Variants in DLGAP2 observed in about 807,000 individuals in gnomAD.
DLGAP2 encodes the protein disks large-associated protein 2.
DLGAP2 carries 26 observed loss-of-function variants against 100.3 expected under a neutral mutation model. The ratio of observed to expected loss-of-function variants is 0.26; its 90% CI spans 0.19 to 0.36. The LOEUF is 0.36. DLGAP2 is among the 10% of genes least tolerant of loss of function. The pLI, the probability that DLGAP2 is intolerant of heterozygous loss-of-function variation, is 1.00. For missense variants in DLGAP2, 1,858 were observed against 1,453.2 expected (o/e 1.28, Z -4.53); for synonymous variants, 886 against 630.1 (o/e 1.41, Z -6.08).
Position 1,410,851 on chromosome 8 carries a change from T to A in DLGAP2, c.107-90515T>A, listed in dbSNP as rs200651937. On this transcript the variant is annotated intron_variant, in intron 3 of 14. Coordinates refer to ENST00000637795, the MANE Select transcript of DLGAP2 (RefSeq NM_001346810.2). ...GGAGCCATTTTTTTTTTTTTTTTTT[T>A]AAACTTCCTTGTTTTCAGTTGTCTT... Among the ~76,000 whole-genome samples the A allele has an allele frequency of 3.7e-3, 541 of 144,904 alleles. 10 individuals carry two copies. The East Asian group carries it at 0.05, about 13-fold the overall frequency.
intron 2 of DLGAP2, among the ~76,000 whole-genome samples, chr8:1,133,604 T>C (rs983274280): frequency 1.3e-5 from 2 of 152,202 alleles, no homozygotes; most frequent in African/African-American, 4.8e-5. Flanking sequence ...ACAAACACTT[T>C]GCTCACCAAG....
At chr8:1,669,631 GCCC>G in intron 9 of DLGAP2, 109 bp from the exon 10 acceptor site, 5 of 754,112 alleles carry the variant, frequency 6.6e-6, no homozygotes, top group Admixed American at 1.8e-5. Context: ...TGAGAGCCGG[GCCC>G]GTGCGGCGCT....
intron 3 of DLGAP2, among the ~76,000 whole-genome samples, chr8:1,335,042 A>G (rs13255561): frequency 0.18 from 26,721 of 152,216 alleles, 2,405 homozygotes; most frequent in Admixed American, 0.19. Context: ...CTGTTGCTGC[A>G]TTGTCTAGAA....
chr8:1,518,373 C>T (rs1800469142), intron 4 of DLGAP2, among the ~76,000 whole-genome samples: 1 of 152,112 alleles, frequency 6.6e-6, no homozygotes, highest in Non-Finnish European at 1.5e-5. Flanking sequence ...GTGGCTGTGG[C>T]AAACCGAGTG....
intron 2 of DLGAP2, among the ~76,000 whole-genome samples, chr8:1,028,925 C>T (rs1322717805): frequency 1.3e-5 from 2 of 152,098 alleles, no homozygotes; most frequent in African/African-American, 2.4e-5. Context: ...ACGGCCTGAC[C>T]GAGGGGCAGC....
At chr8:1,237,683 T>C (rs1189014857) in intron 2 of DLGAP2, among the ~76,000 whole-genome samples, 1 of 111,460 alleles carries the variant, frequency 9.0e-6, no homozygotes, top group Non-Finnish European at 1.9e-5. Flanking sequence ...CTCTCTCACA[T>C]GGCACCGTGT....
intron 1 of DLGAP2, among the ~76,000 whole-genome samples, chr8:779,167 C>T (rs546461472): frequency 2.0e-5 from 3 of 152,374 alleles, no homozygotes; most frequent in East Asian, 3.9e-4. Context: ...CTTGCGCTTC[C>T]CGAGTGAGGC....
At chr8:1,225,622 A>T (rs1319700033) in intron 2 of DLGAP2, among the ~76,000 whole-genome samples, 1 of 152,260 alleles carries the variant, frequency 6.6e-6, no homozygotes, top group Admixed American at 6.5e-5. Context: ...TGCAAGTATC[A>T]TGAACACTTT....
At chr8:1,419,201 C>T (rs1031278839) in intron 3 of DLGAP2, among the ~76,000 whole-genome samples, 17 of 133,436 alleles carry the variant, frequency 1.3e-4, no homozygotes, top group Non-Finnish European at 2.2e-4. Flanking sequence ...CACTCTGATG[C>T]GTGCGTGTGT....
At position 1,258,842 on chromosome 8, in the gene DLGAP2, T is replaced by C. The variant is rs2116904426; in HGVS notation, c.74-9T>C. On this transcript the variant is annotated splice_polypyrimidine_tract_variant and intron_variant, in intron 2 of 14. Coordinates refer to ENST00000637795, the MANE Select transcript of DLGAP2 (RefSeq NM_001346810.2). ...GGGTGTAACAGCTTCTCTCTGTCTCTGTTTTCAGAGTCGCAGTGCACGCTC... is the reference window on the plus strand; with the variant it reads ...GGGTGTAACAGCTTCTCTCTGTCTCCGTTTTCAGAGTCGCAGTGCACGCTC... The C allele has an allele frequency of 2.4e-6, 3 of 1,231,754 alleles. No individual in the cohort carries two copies. The highest frequency in any genetic ancestry group is 3.1e-4 in the Middle Eastern group (1 of 3,216). 76.3% of individuals were successfully genotyped at this position (1,231,754 alleles called of 1,614,324 possible). A position where few individuals can be genotyped will look rare whatever the true frequency, so the allele number is the denominator to read the frequency against.
chr8:828,536 G>A (rs576063598), intron 1 of DLGAP2, among the ~76,000 whole-genome samples: 7 of 152,156 alleles, frequency 4.6e-5, no homozygotes, highest in East Asian at 1.9e-4. Context: ...TTTTTTCAGG[G>A]TGCCCACATT....
chr8:1,677,624 C>G (rs62483126), intron 11 of DLGAP2, among the ~76,000 whole-genome samples: 1,920 of 152,298 alleles, frequency 0.013, 21 homozygotes, highest in Non-Finnish European at 0.019. Context: ...CTGTAAGCCC[C>G]CTCCTATCAA....
chr8:1,228,747 C>T (rs1478662957), intron 2 of DLGAP2, among the ~76,000 whole-genome samples: 2 of 152,176 alleles, frequency 1.3e-5, no homozygotes, highest in Non-Finnish European at 2.9e-5. Flanking sequence ...CTCTTCATAA[C>T]ACTCAACAAA....
chr8:1,625,574 T>G (rs995303590), intron 6 of DLGAP2, among the ~76,000 whole-genome samples: 1 of 152,258 alleles, frequency 6.6e-6, no homozygotes, highest in African/African-American at 2.4e-5. Context: ...TTTGCATAAG[T>G]TAAAACTGAA....
At chr8:894,307 G>T (rs1046983608) in intron 1 of DLGAP2, among the ~76,000 whole-genome samples, 1 of 152,182 alleles carries the variant, frequency 6.6e-6, no homozygotes, top group Non-Finnish European at 1.5e-5. Context: ...GTGTTACAGA[G>T]ACTGGTGTGA....
intron 2 of DLGAP2, among the ~76,000 whole-genome samples, chr8:1,132,184 A>G (rs564364825): frequency 2.9e-4 from 44 of 152,256 alleles, no homozygotes; most frequent in Non-Finnish European, 5.0e-4. Context: ...TTTAAAAGAC[A>G]TAAATTTGTA....
At chr8:1,468,853 C>G (rs1798703554) in intron 3 of DLGAP2, among the ~76,000 whole-genome samples, 1 of 152,182 alleles carries the variant, frequency 6.6e-6, no homozygotes, top group Admixed American at 6.5e-5. Flanking sequence ...GACCGTCATC[C>G]TGGGGCCACG....
intron 2 of DLGAP2, among the ~76,000 whole-genome samples, chr8:1,162,175 TGCAG>T (rs1273107333): frequency 6.6e-6 from 1 of 152,212 alleles, no homozygotes; most frequent in Admixed American, 6.5e-5. Context: ...CGGCCAGTGC[TGCAG>T]AACTCGGAGG....
At chr8:1,449,556 C>T (rs950198862) in intron 3 of DLGAP2, among the ~76,000 whole-genome samples, 1 of 152,214 alleles carries the variant, frequency 6.6e-6, no homozygotes, top group African/African-American at 2.4e-5. Context: ...CCACTGAGTC[C>T]TGTCTGCACC....
Sources: allele counts gnomAD v4.1 joint callset (sites outside exome capture counted in the v4.1 genomes callset), GRCh38; gene constraint gnomAD v4.1.1; transcripts MANE v1.5; gene names NCBI Gene and HGNC (gene_info 2026-07-23, HGNC 2026-07-21).